The following RBMS3 variants were observed in gnomAD, a reference collection of about 807,000 sequenced individuals.
RBMS3 encodes the protein RNA binding motif single stranded interacting protein 3.
RBMS3 carries 27 observed loss-of-function variants against 66.8 expected under a neutral mutation model. The ratio of observed to expected loss-of-function variants is 0.40; its 90% CI spans 0.30 to 0.56. The LOEUF (loss-of-function observed/expected upper bound fraction) is 0.56, where lower values mean the gene tolerates loss of function less well. RBMS3 is among the 20% of genes least tolerant of loss of function. RBMS3 has a pLI of 0.40. For synonymous variants in RBMS3, 188 were observed against 183.0 expected (o/e 1.03, Z -0.22); for missense variants, 513 against 549.5 (o/e 0.93, Z 0.66).
intron 3 of RBMS3, among the ~76,000 whole-genome samples, chr3:29,511,273 G>A (rs2044398720): frequency 6.6e-6 from 1 of 152,126 alleles, no homozygotes; most frequent in South Asian, 2.1e-4. Flanking sequence ...TCCAGCCTGG[G>A]CGACGGAGAG....
At chr3:29,806,336 GCTCTC>G (rs1268374514) in intron 6 of RBMS3, among the ~76,000 whole-genome samples, 1 of 151,956 alleles carries the variant, frequency 6.6e-6, no homozygotes, top group African/African-American at 2.4e-5. Context: ...TCAGCTATGA[GCTCTC>G]CCCTTGATTG....
chr3:29,446,497 A>C (rs977179983), intron 2 of RBMS3, among the ~76,000 whole-genome samples: 1 of 152,170 alleles, frequency 6.6e-6, no homozygotes. Flanking sequence ...TCACCACTAT[A>C]CATAGTACAC....
chr3:29,409,873 AT>A (rs201692244), intron 1 of RBMS3, among the ~76,000 whole-genome samples: 115 of 151,584 alleles, frequency 7.6e-4, no homozygotes, highest in African/African-American at 2.5e-3. Flanking sequence ...AAATTAATTG[AT>A]TTTTTTTTCA....
At chr3:29,725,812 C>T (rs1215412113) in intron 4 of RBMS3, among the ~76,000 whole-genome samples, 1 of 152,130 alleles carries the variant, frequency 6.6e-6, no homozygotes, top group Non-Finnish European at 1.5e-5. Context: ...GTTTCAGAAA[C>T]TATTCCAAAC....
At chr3:29,825,535 A>T (rs1283729610) in intron 6 of RBMS3, among the ~76,000 whole-genome samples, 1 of 152,012 alleles carries the variant, frequency 6.6e-6, no homozygotes, top group Non-Finnish European at 1.5e-5. Flanking sequence ...GTCTCACTAG[A>T]TCTGATGGTT....
chr3:29,438,028 T>TTCTCTCTCTC (rs34431369), intron 2 of RBMS3, among the ~76,000 whole-genome samples: 3,170 of 142,498 alleles, frequency 0.022, 194 homozygotes, highest in Admixed American at 0.12. Flanking sequence ...CCTTGCTTGT[T>TTCTCTCTCTC]TCTCTCTCTC....
chr3:29,757,623 T>C (rs2055482667), intron 5 of RBMS3, among the ~76,000 whole-genome samples: 2 of 152,184 alleles, frequency 1.3e-5, no homozygotes, highest in African/African-American at 4.8e-5. Flanking sequence ...GCCCCAGAGA[T>C]TGGTATTTTT....
At chr3:29,627,323 C>T (rs573333761) in intron 4 of RBMS3, among the ~76,000 whole-genome samples, 7 of 151,254 alleles carry the variant, frequency 4.6e-5, no homozygotes, top group Non-Finnish European at 1.0e-4. Context: ...TCTTCTGCCT[C>T]GCTAACTTTA....
chr3:29,773,838 G>A (rs1329408989), intron 6 of RBMS3, among the ~76,000 whole-genome samples: 1 of 152,024 alleles, frequency 6.6e-6, no homozygotes, highest in African/African-American at 2.4e-5. Flanking sequence ...AATACCCTGT[G>A]TATGATGTAT....
In RBMS3 at chr3:29,682,577, C is replaced by T. The variant is rs577970040; in HGVS notation, c.400-57143C>T. On this transcript the variant is annotated intron_variant, in intron 4 of 14. Coordinates refer to ENST00000383767, the MANE Select transcript of RBMS3 (RefSeq NM_001003793.3). ...TACCAAGATTTCTTACAGTTTTTGC[C>T]ACAGGCAGGAGTTGAAACTGGAAAG... Among the ~76,000 whole-genome samples, 11 of 152,246 alleles carry T rather than the reference C, an allele frequency of 7.2e-5. No individual in the cohort carries two copies. In the East Asian group the frequency reaches 1.9e-3, roughly 27 times the overall value.
intron 6 of RBMS3, among the ~76,000 whole-genome samples, chr3:29,802,292 C>G (rs75177655): frequency 0.068 from 10,417 of 152,222 alleles, 383 homozygotes; most frequent in African/African-American, 0.093. Flanking sequence ...TCAATACCAC[C>G]AACCACAGCC....
At chr3:29,378,860 C>CAA (rs2038622416) in intron 1 of RBMS3, among the ~76,000 whole-genome samples, 1 of 151,942 alleles carries the variant, frequency 6.6e-6, no homozygotes, top group Non-Finnish European at 1.5e-5. Flanking sequence ...TATATAAAAC[C>CAA]AAAATGCATT....
At chr3:29,886,994 CCA>C (rs1553693023) in intron 8 of RBMS3, among the ~76,000 whole-genome samples, 5 of 151,644 alleles carry the variant, frequency 3.3e-5, no homozygotes, top group African/African-American at 1.2e-4. Context: ...TAAGACACAC[CCA>C]GTCTTTACTC....
At position 29,413,423 on chromosome 3, in the gene RBMS3, T is replaced by TACATACAC. The variant is rs1421760268; in HGVS notation, c.76-21317_76-21316insTACACACA. Among the ~76,000 whole-genome samples the TACATACAC allele has an allele frequency of 1.3e-3, 150 of 119,042 alleles. 6 individuals carry two copies. Among genetic ancestry groups the TACATACAC allele is most frequent in the African/African-American group, 3.4e-3 (110 of 32,036 alleles). The allele number at this position is 119,042 out of a possible 152,430, so 78.1% of individuals were successfully genotyped here. On this transcript the variant is annotated intron_variant, in intron 1 of 14. Coordinates refer to ENST00000383767, the MANE Select transcript of RBMS3 (RefSeq NM_001003793.3). ...ATACATACATACATACATACATACA[T>TACATACAC]ACACAGAGTTGCAGCAGAAAAGCTA... is the stretch of plus-strand genomic sequence containing the variant.
At chr3:29,360,018 T>C (rs1172658958) in intron 1 of RBMS3, among the ~76,000 whole-genome samples, 2 of 152,188 alleles carry the variant, frequency 1.3e-5, no homozygotes, top group African/African-American at 2.4e-5. Flanking sequence ...CATTGATTTT[T>C]GGAAGGGTTT....
Position 29,899,839 on chromosome 3 carries a change from CT to C in RBMS3, c.939+88del, listed in dbSNP as rs1225893781. On this transcript the variant is annotated intron_variant, in intron 10 of 14. Coordinates refer to ENST00000383767, the MANE Select transcript of RBMS3 (RefSeq NM_001003793.3). ...AATGCATAGAAGCTTTGGGGTAAAGCTTTTGTTATAATATGTAACTCGTTCA... is the reference window on the plus strand; with the variant it reads ...AATGCATAGAAGCTTTGGGGTAAAGCTTTGTTATAATATGTAACTCGTTCA... 1.7e-5 allele frequency: 23 copies of C among 1,370,314 alleles called. No homozygotes were observed. In the Admixed American group the frequency reaches 2.8e-4, roughly 17 times the overall value. The allele number at this position is 1,370,314 out of a possible 1,614,324, so 84.9% of individuals were successfully genotyped here. A position where few individuals can be genotyped will look rare whatever the true frequency, so the allele number is the denominator to read the frequency against.
intron 1 of RBMS3, among the ~76,000 whole-genome samples, chr3:29,323,518 A>G (rs1030817620): frequency 1.3e-5 from 2 of 152,116 alleles, no homozygotes; most frequent in Non-Finnish European, 2.9e-5. Flanking sequence ...TGATCTTTAT[A>G]TGGCCTAAAA....
At chr3:29,560,672 G>A (rs936979684) in intron 3 of RBMS3, among the ~76,000 whole-genome samples, 1 of 152,228 alleles carries the variant, frequency 6.6e-6, no homozygotes, top group African/African-American at 2.4e-5. Flanking sequence ...TGAAAGAGAA[G>A]AAGAATCCGG....
chr3:29,801,238 C>T (rs563577601), intron 6 of RBMS3, among the ~76,000 whole-genome samples: 1 of 150,506 alleles, frequency 6.6e-6, no homozygotes, highest in African/African-American at 2.5e-5. Context: ...AACTATGTTA[C>T]TAGTACCAAA....
Sources: gnomAD v4.1 joint callset for allele counts (sites outside exome capture counted in the v4.1 genomes callset) on GRCh38, gnomAD v4.1.1 for gene constraint, MANE v1.5 for transcripts, NCBI Gene and HGNC (gene_info 2026-07-23, HGNC 2026-07-21) for gene names.